Variants in EIF4E1B observed in about 807,000 individuals in gnomAD.
The protein encoded by EIF4E1B is eukaryotic translation initiation factor 4E family member 1B.
EIF4E1B carries 22 observed loss-of-function variants against 31.3 expected under a neutral mutation model. The ratio of observed to expected loss-of-function variants is 0.70; its 90% CI spans 0.50 to 1.00. The LOEUF is 1.00. Among genes scored for constraint, EIF4E1B ranks in the 50% least tolerant of loss-of-function variants. EIF4E1B has a pLI of 0.00. For synonymous variants in EIF4E1B, 126 were observed against 120.2 expected, an observed-to-expected ratio of 1.05 and a Z score of -0.31; for missense variants, 290 against 311.6, an observed-to-expected ratio of 0.93 and a Z score of 0.52.
At chr5:176,642,453 G>A (rs764561668) in intron 2 of EIF4E1B, among the ~76,000 whole-genome samples, 2 of 152,230 alleles carry the variant, frequency 1.3e-5, no homozygotes, top group Non-Finnish European at 2.9e-5. Flanking sequence ...AACATAGTGA[G>A]ATTCCTTCAT....
rs772572089 is a variant in EIF4E1B, at chr5:176,645,135, CA to C, written c.367del (p.Ile123SerfsTer40). On this transcript the variant is annotated frameshift_variant, in exon 7 of 9. Transcript: ENST00000318682. LOFTEE classifies it high-confidence loss of function. This position sits in a 1 kb window ranked among gnomAD's most constrained non-coding sequence, Gnocchi z 5.4. ...GCDYALFKDG[I>X]QPMWEDSRNK... ...ACTTGCCATCTGCCTTGCAGGATGG[CA>C]TCCAGCCCATGTGGGAGGACAGCAG... 43 of 1,561,150 alleles carry C rather than the reference CA, an allele frequency of 2.8e-5. No individual in the cohort carries two copies. In the African/African-American group the frequency reaches 5.0e-4, roughly 18 times the overall value.
intron 1 of EIF4E1B, among the ~76,000 whole-genome samples, chr5:176,636,284 C>T (rs1021172844): frequency 2.6e-5 from 4 of 152,226 alleles, no homozygotes; most frequent in Non-Finnish European, 4.4e-5. Context: ...AGCTCGGGCT[C>T]GTGGGCCTCC....
At position 176,645,004 on chromosome 5, in the gene EIF4E1B, A is replaced by G. The variant is rs1581187670; in HGVS notation, c.361-126A>G. On this transcript the variant is annotated intron_variant, in intron 6 of 8. Coordinates refer to ENST00000318682, the MANE Select transcript of EIF4E1B (RefSeq NM_001099408.2). The surrounding 1 kb of genome is among the most constrained non-coding windows in gnomAD (Gnocchi z 5.4). ...GGGTGGAACCTGCTTGCACTGAGGG[A>G]AGGGAGGATAAGAGAATCTGGCCTA... The G allele has an allele frequency of 2.5e-6, 2 of 792,414 alleles. No homozygotes were observed. Among genetic ancestry groups the G allele is most frequent in the Non-Finnish European group, 4.1e-6 (2 of 492,564 alleles). 49.1% of individuals were successfully genotyped at this position (792,414 alleles called of 1,614,324 possible).
intron 1 of EIF4E1B, among the ~76,000 whole-genome samples, chr5:176,638,000 T>C (rs1454482081): frequency 6.6e-6 from 1 of 152,142 alleles, no homozygotes; most frequent in Non-Finnish European, 1.5e-5. Flanking sequence ...GGTCATGGCA[T>C]GTGCTAACAG....
chr5:176,642,847 CCTCT>C, intron 3 of EIF4E1B, 45 bp downstream of exon 3: 1 of 1,366,046 alleles, frequency 7.3e-7, no homozygotes, highest in Non-Finnish European at 9.6e-7. Flanking sequence ...ATGGCCCCGC[CCTCT>C]CCCCCCCCCC....
At chr5:176,642,980 G>A in intron 3 of EIF4E1B, 102 bp from the exon 4 acceptor site, 5 of 1,509,308 alleles carry the variant, frequency 3.3e-6, no homozygotes, top group Non-Finnish European at 4.4e-6. Context: ...GGCCTTGTGA[G>A]TCCCCTGCCT....
At chr5:176,634,960 G>A (rs565480567) in intron 1 of EIF4E1B, among the ~76,000 whole-genome samples, 3 of 152,044 alleles carry the variant, frequency 2.0e-5, no homozygotes, top group Non-Finnish European at 4.4e-5. Context: ...GAGCCACCAC[G>A]CCCAGCCAGA....
At chr5:176,632,311 A>G (rs961809967) in intron 1 of EIF4E1B, among the ~76,000 whole-genome samples, 4 of 152,142 alleles carry the variant, frequency 2.6e-5, no homozygotes, top group Non-Finnish European at 2.9e-5. Flanking sequence ...GCTGGAGTGC[A>G]GTGGTGCAAT....
chr5:176,646,498 G>C lies in EIF4E1B; in HGVS notation c.*518G>C, dbSNP rs1482580147. 1 of 153,276 alleles carries C rather than the reference G, an allele frequency of 6.5e-6. No homozygotes were observed. Among genetic ancestry groups the C allele is most frequent in the African/African-American group, 2.4e-5 (1 of 41,464 alleles). 9.5% of individuals were successfully genotyped at this position (153,276 alleles called of 1,614,324 possible). A position where few individuals can be genotyped will look rare whatever the true frequency, so the allele number is the denominator to read the frequency against. ...GACCAGGGCTGTCTGGGCCTTGCCT[G>C]CCTCAGGGCCAGACTGAAGTGGAGG... On this transcript the variant is annotated 3_prime_UTR_variant, in exon 9 of 9. Transcript: ENST00000318682.
At chr5:176,642,939 C>T in intron 3 of EIF4E1B, 137 bp downstream of exon 3, 1 of 1,417,780 alleles carries the variant, frequency 7.1e-7, no homozygotes, top group East Asian at 3.0e-5. Context: ...CTGGGTCCTC[C>T]ATGGAGTTTG....
chr5:176,636,482 C>G (rs147646333), intron 1 of EIF4E1B, among the ~76,000 whole-genome samples: 1,576 of 152,324 alleles, frequency 0.01, 33 homozygotes, highest in African/African-American at 0.035. Context: ...AGAAGATCCT[C>G]GTTGGAGCAG....
rs764017055 is a variant in EIF4E1B, at chr5:176,643,134, A to AT, written c.68_69insT (p.Glu23AspfsTer54). 1.2e-6 allele frequency: 2 copies of AT among 1,613,862 alleles called. No homozygotes were observed. Among genetic ancestry groups the AT allele is most frequent in the Non-Finnish European group, 1.7e-6 (2 of 1,179,854 alleles). ...GAGTGGGAGGAGGAGGAGAAGGAGG[A>AT]GGAGGCAGCAGAGAGGACGCCCACA... On this transcript the variant is annotated frameshift_variant, in exon 4 of 9. Coordinates refer to ENST00000318682, the MANE Select transcript of EIF4E1B (RefSeq NM_001099408.2). LOFTEE classifies it high-confidence loss of function.
chr5:176,635,121 G>A (rs150825122), intron 1 of EIF4E1B, among the ~76,000 whole-genome samples: 2,841 of 152,098 alleles, frequency 0.019, 84 homozygotes, highest in African/African-American at 0.059. Flanking sequence ...GAGAGTGCCC[G>A]GAACAGACTC....
intron 5 of EIF4E1B, 95 bp downstream of exon 5, chr5:176,643,829 GC>G (rs143987075): frequency 0.016 from 20,638 of 1,319,256 alleles, 394 homozygotes; most frequent in African/African-American, 0.079. Flanking sequence ...GGGCCTTTCA[GC>G]CTTTGTGAGG....
rs568253648 is a variant in EIF4E1B, at chr5:176,643,883, C to T, written c.296+149C>T. On this transcript the variant is annotated intron_variant, in intron 5 of 8. Coordinates refer to ENST00000318682, the MANE Select transcript of EIF4E1B (RefSeq NM_001099408.2). ...TCTGCCCAGGGGGTATAGGGCACAA[C>T]CACCCCCCACCCCACCACCTTCTTT... The T allele has an allele frequency of 7.3e-5, 52 of 714,938 alleles. No homozygotes were observed. The African/African-American group carries it at 7.3e-4, about 10-fold the overall frequency. 44.3% of individuals were successfully genotyped at this position (714,938 alleles called of 1,614,324 possible). A position where few individuals can be genotyped will look rare whatever the true frequency, so the allele number is the denominator to read the frequency against.
chr5:176,635,000 A>G (rs1182570192), intron 1 of EIF4E1B, among the ~76,000 whole-genome samples: 1 of 152,044 alleles, frequency 6.6e-6, no homozygotes, highest in Non-Finnish European at 1.5e-5. Context: ...TGTTCTTGTG[A>G]GCCAAGTGAG....
At position 176,645,543 on chromosome 5, in the gene EIF4E1B, G is replaced by A; in HGVS notation, c.614+27G>A. 1.3e-6 allele frequency: 2 copies of A among 1,503,466 alleles called. No individual in the cohort carries two copies. Among genetic ancestry groups the A allele is most frequent in the African/African-American group, 2.8e-5 (2 of 71,380 alleles). The allele number at this position is 1,503,466 out of a possible 1,614,324, so 93.1% of individuals were successfully genotyped here. Reference sequence around the variant, plus strand: ...TGAGGAGGGTCTCTGGCACAGGGTGGGGACTTGGGTCTCTGCTAGAGGGAA... The same window carrying A: ...TGAGGAGGGTCTCTGGCACAGGGTGAGGACTTGGGTCTCTGCTAGAGGGAA... On this transcript the variant is annotated intron_variant, in intron 8 of 8. Coordinates refer to ENST00000318682, the MANE Select transcript of EIF4E1B (RefSeq NM_001099408.2). The surrounding 1 kb of genome is among the most constrained non-coding windows in gnomAD (Gnocchi z 5.4).
rs1760713369 is a variant in EIF4E1B at position 176,646,406 on chromosome 5, A to G, written c.*426A>G. 1 of 174,298 alleles carries G rather than the reference A, an allele frequency of 5.7e-6. No homozygotes were observed. Among genetic ancestry groups the G allele is most frequent in the Non-Finnish European group, 1.2e-5 (1 of 80,240 alleles). 10.8% of individuals were successfully genotyped at this position (174,298 alleles called of 1,614,324 possible). A position where few individuals can be genotyped will look rare whatever the true frequency, so the allele number is the denominator to read the frequency against. On this transcript the variant is annotated 3_prime_UTR_variant, in exon 9 of 9. Transcript: ENST00000318682. ...GGAGGGTGAACGCCATCATTTGTAC[A>G]GAGGGATACGTGGGTTGCTGAGGAC...
rs764410515 is a variant in EIF4E1B at position 176,644,444 on chromosome 5, G to A, written c.360+5G>A. The A allele has an allele frequency of 4.4e-6, 7 of 1,592,948 alleles. No individual in the cohort carries two copies. The highest frequency in any genetic ancestry group is 6.0e-6 in the Non-Finnish European group (7 of 1,169,794). ...TGTGACTACGCCCTCTTCAAGGTAA[G>A]CTCTGCTCTCCTCTTTCCCTCCCGC... On this transcript the variant is annotated splice_donor_5th_base_variant and intron_variant, in intron 6 of 8. Coordinates refer to ENST00000318682, the MANE Select transcript of EIF4E1B (RefSeq NM_001099408.2).
Sources: gnomAD v4.1 joint callset for allele counts (sites outside exome capture counted in the v4.1 genomes callset) on GRCh38, gnomAD v4.1.1 for gene constraint, Gnocchi (gnomAD v3.1) non-coding constraint, MANE v1.5 for transcripts, NCBI Gene and HGNC (gene_info 2026-07-23, HGNC 2026-07-21) for gene names.